Variants in CPQ observed in about 807,000 individuals in gnomAD.
CPQ encodes the protein Ser-Met dipeptidase.
Under a neutral mutation model 45.7 loss-of-function variants are expected in CPQ, and 37 were observed. The observed-to-expected ratio is 0.81, with a 90% confidence interval of 0.62 to 1.07. The LOEUF (loss-of-function observed/expected upper bound fraction) is 1.07, where lower values mean the gene tolerates loss of function less well. Ranked by LOEUF, CPQ falls within the 50% of genes least tolerant of loss-of-function variation. The pLI, the probability that CPQ is intolerant of heterozygous loss-of-function variation, is 0.00. For missense variants in CPQ, 537 were observed against 572.9 expected (o/e 0.94, Z 0.64); for synonymous variants, 186 against 205.8 (o/e 0.90, Z 0.82).
At chr8:96,963,576 G>A (rs1813498835) in intron 4 of CPQ, among the ~76,000 whole-genome samples, 1 of 152,164 alleles carries the variant, frequency 6.6e-6, no homozygotes, top group East Asian at 1.9e-4. Flanking sequence ...CTTTCCCAAA[G>A]TCATGGGTAA....
At chr8:96,908,910 C>A (rs893052961) in intron 4 of CPQ, among the ~76,000 whole-genome samples, 2 of 152,204 alleles carry the variant, frequency 1.3e-5, no homozygotes, top group Non-Finnish European at 2.9e-5. Flanking sequence ...CTACCCTCAG[C>A]CTGCCCCATC....
intron 4 of CPQ, among the ~76,000 whole-genome samples, chr8:96,903,891 A>C (rs1812543721): frequency 6.6e-6 from 1 of 152,232 alleles, no homozygotes; most frequent in African/African-American, 2.4e-5. Flanking sequence ...TCCGAAAGCA[A>C]CTTCTGGTGG....
At position 96,650,520 on chromosome 8, in the gene CPQ, G is replaced by C. The variant is rs149110069; in HGVS notation, c.-35+5118G>C. Among the ~76,000 whole-genome samples the C allele has an allele frequency of 7.6e-3, 1,160 of 152,318 alleles. 8 individuals are homozygous for C. The highest frequency in any genetic ancestry group is 0.012 in the Non-Finnish European group (812 of 68,034). ...TCTGGCATGAAGGAGGCTGCAGTTT[G>C]TTTCATGGCTCAGACGGCTCAGATC... is the stretch of plus-strand genomic sequence containing the variant. On this transcript the variant is annotated intron_variant, in intron 1 of 7. Transcript: ENST00000220763.
At chr8:96,677,355 A>C (rs1464734509) in intron 1 of CPQ, among the ~76,000 whole-genome samples, 1 of 152,084 alleles carries the variant, frequency 6.6e-6, no homozygotes, top group Admixed American at 6.6e-5. Context: ...TGAATTTTTA[A>C]TTATGGTCAT....
intron 4 of CPQ, among the ~76,000 whole-genome samples, chr8:96,940,610 A>G (rs1457947165): frequency 6.6e-6 from 1 of 152,192 alleles, no homozygotes; most frequent in Non-Finnish European, 1.5e-5. Flanking sequence ...GGAGTGAGAG[A>G]AGGAAACTTG....
chr8:97,114,491 G>C (rs1251715696), intron 7 of CPQ, among the ~76,000 whole-genome samples: 2 of 152,198 alleles, frequency 1.3e-5, no homozygotes, highest in African/African-American at 4.8e-5. Flanking sequence ...CACACAGTAG[G>C]TGTTCAGTAT....
intron 7 of CPQ, among the ~76,000 whole-genome samples, chr8:97,113,577 G>A (rs955578346): frequency 3.3e-5 from 5 of 152,174 alleles, no homozygotes; most frequent in African/African-American, 9.7e-5. Context: ...GCAGCATAGT[G>A]AGCAGGTTCT....
At chr8:96,841,815 A>G (rs1811614704) in intron 3 of CPQ, among the ~76,000 whole-genome samples, 1 of 152,206 alleles carries the variant, frequency 6.6e-6, no homozygotes, top group South Asian at 2.1e-4. Context: ...AATCCAGGTG[A>G]TGTTTATGGA....
intron 1 of CPQ, among the ~76,000 whole-genome samples, chr8:96,733,813 A>C (rs979343922): frequency 1.3e-5 from 2 of 152,222 alleles, no homozygotes; most frequent in South Asian, 4.1e-4. Context: ...TTTGCAGGCC[A>C]TATTGAAGTG....
intron 2 of CPQ, among the ~76,000 whole-genome samples, chr8:96,815,592 T>G (rs1811217426): frequency 6.6e-6 from 1 of 152,158 alleles, no homozygotes; most frequent in Non-Finnish European, 1.5e-5. Flanking sequence ...AAGCTCTCAT[T>G]GGCTAAATCA....
chr8:97,017,410 C>G (rs185361383), intron 5 of CPQ, among the ~76,000 whole-genome samples: 96 of 152,276 alleles, frequency 6.3e-4, no homozygotes, highest in African/African-American at 2.3e-3. Flanking sequence ...GTCTCCTGGC[C>G]AGAACTGGGG....
chr8:96,780,614 T>C (rs1312083859), intron 1 of CPQ, among the ~76,000 whole-genome samples: 2 of 152,198 alleles, frequency 1.3e-5, no homozygotes, highest in Non-Finnish European at 2.9e-5. Flanking sequence ...ACTTAAGTCA[T>C]TAAAATCAAA....
At position 96,781,332 on chromosome 8, in the gene CPQ, A is replaced by C. The variant is rs192775498; in HGVS notation, c.-34-3532A>C. ...AGAAAGTCCAAGATTGAGGGGCCACATCTGGTGAGGGCCTTTTAGCTGCAT... is the reference window on the plus strand; with the variant it reads ...AGAAAGTCCAAGATTGAGGGGCCACCTCTGGTGAGGGCCTTTTAGCTGCAT... On this transcript the variant is annotated intron_variant, in intron 1 of 7. Coordinates refer to ENST00000220763, the MANE Select transcript of CPQ (RefSeq NM_016134.4). 1.4e-3 allele frequency among the ~76,000 whole-genome samples: 218 copies of C among 152,324 alleles called. 4 individuals are homozygous for C. The highest frequency in any genetic ancestry group is 0.011 in the Admixed American group (169 of 15,290).
chr8:96,942,304 C>T (rs1322265552), intron 4 of CPQ, among the ~76,000 whole-genome samples: 6 of 152,150 alleles, frequency 3.9e-5, no homozygotes, highest in Non-Finnish European at 7.3e-5. Flanking sequence ...ACTCCTTAGC[C>T]TAAGCCCTTA....
At chr8:96,845,791 C>G (rs890305900) in intron 3 of CPQ, among the ~76,000 whole-genome samples, 1 of 152,108 alleles carries the variant, frequency 6.6e-6, no homozygotes, top group Non-Finnish European at 1.5e-5. Flanking sequence ...GACTCATATA[C>G]TCTTTATAAG....
intron 4 of CPQ, among the ~76,000 whole-genome samples, chr8:96,886,755 A>G (rs999011383): frequency 2.0e-5 from 3 of 152,218 alleles, no homozygotes; most frequent in Admixed American, 1.3e-4. Flanking sequence ...TGAATGGTGT[A>G]TAAATTTGAG....
At chr8:96,981,103 A>G (rs1367953121) in intron 5 of CPQ, among the ~76,000 whole-genome samples, 1 of 152,220 alleles carries the variant, frequency 6.6e-6, no homozygotes, top group Non-Finnish European at 1.5e-5. Flanking sequence ...CAGAGAAAAC[A>G]CAACCAAATC....
chr8:97,043,123 GTC>G (rs1286431958), intron 6 of CPQ, among the ~76,000 whole-genome samples: 1 of 152,136 alleles, frequency 6.6e-6, no homozygotes, highest in Admixed American at 6.5e-5. Flanking sequence ...GGGAGTCTAA[GTC>G]TCTTTGTAAG....
intron 7 of CPQ, among the ~76,000 whole-genome samples, chr8:97,079,370 T>C (rs1037209710): frequency 1.3e-5 from 2 of 152,168 alleles, no homozygotes; most frequent in Non-Finnish European, 2.9e-5. Context: ...GAAAAGAGGC[T>C]TAAGGAGAGA....
Sources: gnomAD v4.1 joint callset for allele counts (sites outside exome capture counted in the v4.1 genomes callset) on GRCh38, gnomAD v4.1.1 for gene constraint, MANE v1.5 for transcripts, NCBI Gene and HGNC (gene_info 2026-07-23, HGNC 2026-07-21) for gene names.